MCTP2: variants seen among roughly 807,000 people sequenced by gnomAD.
MCTP2 encodes multiple C2 and transmembrane domain-containing protein 2.
A neutral mutation model predicts 111.6 loss-of-function variants in MCTP2; 132 were observed. That is an observed-to-expected ratio of 1.18 (90% CI 1.03 to 1.37). The LOEUF is 1.37. Among genes scored for constraint, MCTP2 ranks in the 40% most tolerant of loss-of-function variants. The pLI is 0.00. For synonymous variants in MCTP2, 395 were observed against 387.7 expected (o/e 1.02, Z -0.22); for missense variants, 1,183 against 1,067.9 (o/e 1.11, Z -1.50).
Position 94,301,099 on chromosome 15 carries a change from T to A in MCTP2, c.465+2369T>A, listed in dbSNP as rs2075587581. ...TGGTTTTTCCCTTTTAACGCAACCATTTTTTTAACCTTTGTTCTCAAAAAT... is the reference window on the plus strand; with the variant it reads ...TGGTTTTTCCCTTTTAACGCAACCAATTTTTTAACCTTTGTTCTCAAAAAT... On this transcript the variant is annotated intron_variant, in intron 2 of 22. Transcript: ENST00000357742. Among the ~76,000 whole-genome samples, 2 of 152,148 alleles carry A rather than the reference T, an allele frequency of 1.3e-5. 1 individual carries two copies. Among genetic ancestry groups the A allele is most frequent in the South Asian group, 4.1e-4 (2 of 4,826 alleles).
At chr15:94,443,260 C>T (rs1416394024) in intron 19 of MCTP2, among the ~76,000 whole-genome samples, 4 of 152,036 alleles carry the variant, frequency 2.6e-5, no homozygotes, top group Non-Finnish European at 4.4e-5. Context: ...TAAAAGGTAG[C>T]CTGGGAAGTC....
At chr15:94,467,980 G>T (rs1056791411) in intron 20 of MCTP2, among the ~76,000 whole-genome samples, 12 of 152,330 alleles carry the variant, frequency 7.9e-5, no homozygotes, top group African/African-American at 2.6e-4. Flanking sequence ...CACTGGATGA[G>T]GGGAGGGCTT....
rs1272655476 is a variant in MCTP2, at chr15:94,483,355, A to G, written c.*4321A>G. On this transcript the variant is annotated 3_prime_UTR_variant, in exon 23 of 23. Coordinates refer to ENST00000357742, the MANE Select transcript of MCTP2 (RefSeq NM_001385001.1). Reference sequence around the variant, plus strand: ...TGACCCAGCAATCCCATAACTGGGTATGTACCCAAAGGAATATAAATTGTT... The same window carrying G: ...TGACCCAGCAATCCCATAACTGGGTGTGTACCCAAAGGAATATAAATTGTT... The G allele has an allele frequency of 6.6e-6, 1 of 152,218 alleles. No individual in the cohort carries two copies. Among genetic ancestry groups the G allele is most frequent in the Non-Finnish European group, 1.5e-5 (1 of 68,028 alleles). The allele number at this position is 152,218 out of a possible 1,614,324, so 9.4% of individuals were successfully genotyped here.
At chr15:94,319,107 A>G (rs2076513776) in intron 4 of MCTP2, among the ~76,000 whole-genome samples, 1 of 151,580 alleles carries the variant, frequency 6.6e-6, no homozygotes, top group South Asian at 2.1e-4. Context: ...CACTCTTTCA[A>G]CATTTTTTAT....
intron 17 of MCTP2, among the ~76,000 whole-genome samples, chr15:94,432,479 A>G (rs927560980): frequency 6.6e-6 from 1 of 152,174 alleles, no homozygotes; most frequent in Admixed American, 6.5e-5. Flanking sequence ...TCAAAGTTCT[A>G]TTCTAAATAA....
rs749725540 is a variant in MCTP2, at chr15:94,399,031, T to C, written c.1859T>C (p.Ile620Thr). Residue 620 changes from isoleucine to threonine, a missense_variant, in exon 15 of 23, where the codon ATT (isoleucine) becomes ACT (threonine). Transcript: ENST00000357742. The part of the protein sequence containing the change: ...KDLEQAFKGV[I>T]YLEMDLIYNP... ...TTAGAACAAGCTTTTAAAGGAGTTA[T>C]TTACTTAGAGATGGACCTTATATAT... 3.9e-6 allele frequency: 6 copies of C among 1,547,804 alleles called. No homozygotes were observed. Among genetic ancestry groups the C allele is most frequent in the East Asian group, 2.2e-5 (1 of 44,500 alleles).
At chr15:94,281,349 C>T (rs1217427674) in intron 1 of MCTP2, among the ~76,000 whole-genome samples, 1 of 151,960 alleles carries the variant, frequency 6.6e-6, no homozygotes, top group East Asian at 1.9e-4. Flanking sequence ...ATTGTTAGTG[C>T]ACTCTGTTTT....
chr15:94,341,363 CT>C (rs1211075760), intron 7 of MCTP2: 1 of 153,458 alleles, frequency 6.5e-6, no homozygotes, highest in East Asian at 1.9e-4. Flanking sequence ...TGGGACTCTT[CT>C]TTTGAGCAAA....
Position 94,339,443 on chromosome 15 carries a change from A to G in MCTP2, c.780+11A>G. ...AAGCTACGTGTGAAGGTAATCACAG[A>G]TAGCTTTCAAATCTGCTCCTTTATT... is the stretch of plus-strand genomic sequence containing the variant. On this transcript the variant is annotated intron_variant, in intron 5 of 22. Transcript: ENST00000357742. 1.3e-6 allele frequency: 2 copies of G among 1,573,104 alleles called. No individual in the cohort carries two copies. The highest frequency in any genetic ancestry group is 1.7e-6 in the Non-Finnish European group (2 of 1,161,558).
intron 19 of MCTP2, among the ~76,000 whole-genome samples, chr15:94,454,733 A>AAAAACACTTTATTTTT (rs2084696287): frequency 1.3e-5 from 2 of 152,294 alleles, no homozygotes; most frequent in South Asian, 4.1e-4. Flanking sequence ...TTAATGGCCA[A>AAAAACACTTTATTTTT]AAAACACTTT....
At chr15:94,355,904 C>CAGGA (rs2078594570) in intron 8 of MCTP2, 1 of 1,077,468 alleles carries the variant, frequency 9.3e-7, no homozygotes, top group Non-Finnish European at 1.1e-6. Context: ...AGTGCCAAGT[C>CAGGA]AAAGTGTTGC....
At chr15:94,269,314 T>G (rs2073779972) in intron 1 of MCTP2, among the ~76,000 whole-genome samples, 1 of 152,226 alleles carries the variant, frequency 6.6e-6, no homozygotes, top group South Asian at 2.1e-4. Flanking sequence ...AGTAAGTGCC[T>G]TATAAAGATT....
chr15:94,343,060 CATATAT>C (rs765224079), intron 7 of MCTP2: 4 of 112,572 alleles, frequency 3.6e-5, no homozygotes. Flanking sequence ...ATATATATAA[CATATAT>C]ATATATAATG....
chr15:94,409,772 A>G (rs748599929), intron 17 of MCTP2, among the ~76,000 whole-genome samples: 13 of 151,522 alleles, frequency 8.6e-5, no homozygotes, highest in Non-Finnish European at 1.8e-4. Flanking sequence ...TCGAGTATCT[A>G]GTACACTGCT....
chr15:94,443,047 C>CTT lies in MCTP2; in HGVS notation c.2250+103_2250+104dup, dbSNP rs529237554. 4,247 of 573,330 alleles carry CTT rather than the reference C, an allele frequency of 7.4e-3. 3 individuals are homozygous for CTT. The highest frequency in any genetic ancestry group is 0.017 in the South Asian group (521 of 31,210). 35.5% of individuals were successfully genotyped at this position (573,330 alleles called of 1,614,324 possible). A position where few individuals can be genotyped will look rare whatever the true frequency, so the allele number is the denominator to read the frequency against. Reference sequence around the variant, plus strand: ...CCTTCAGGTTGAGTCTCTCTCCTCTCTTTTTTTTTTTTTTTTTAATATGAT... The same window carrying CTT: ...CCTTCAGGTTGAGTCTCTCTCCTCTCTTTTTTTTTTTTTTTTTTTAATATGAT... On this transcript the variant is annotated intron_variant, in intron 19 of 22. Transcript: ENST00000357742.
chr15:94,468,139 T>TA (rs1471160730), intron 20 of MCTP2, among the ~76,000 whole-genome samples: 2 of 152,204 alleles, frequency 1.3e-5, no homozygotes, highest in Non-Finnish European at 2.9e-5. Flanking sequence ...CTGATTTTTC[T>TA]ACTATCCAAA....
intron 4 of MCTP2, among the ~76,000 whole-genome samples, chr15:94,326,293 A>G (rs1237970185): frequency 6.6e-6 from 1 of 152,186 alleles, no homozygotes; most frequent in African/African-American, 2.4e-5. Context: ...AACATTCTGA[A>G]TTAAGTTTGT....
intron 17 of MCTP2, among the ~76,000 whole-genome samples, chr15:94,421,203 G>A (rs968354531): frequency 2.0e-5 from 3 of 150,918 alleles, no homozygotes; most frequent in Non-Finnish European, 4.4e-5. Context: ...CATTGCATAT[G>A]TTGCTGTACA....
At chr15:94,458,021 C>A in intron 19 of MCTP2, 116 bp from the exon 20 acceptor site, 1 of 619,552 alleles carries the variant, frequency 1.6e-6, no homozygotes, top group Non-Finnish European at 2.9e-6. Context: ...AATGATTTAT[C>A]TCTTGTGTCA....
Sources: gnomAD v4.1 joint callset for allele counts (sites outside exome capture counted in the v4.1 genomes callset) on GRCh38, gnomAD v4.1.1 for gene constraint, MANE v1.5 for transcripts, NCBI Gene and HGNC (gene_info 2026-07-23, HGNC 2026-07-21) for gene names.